The following GAB3 variants were observed in gnomAD, a reference collection of about 807,000 sequenced individuals.
The protein encoded by GAB3 is GRB2 associated binding protein 3, also known as GRB2-associated-binding protein 3.
Under a neutral mutation model 40.4 loss-of-function variants are expected in GAB3, and 12 were observed. That is an observed-to-expected ratio of 0.30 (90% CI 0.19 to 0.48). GAB3 has a LOEUF of 0.48. GAB3 is among the 20% of genes least tolerant of loss of function. The probability of loss-of-function intolerance (pLI) is 0.99; values close to 1 mark genes in which losing one functional copy is unlikely to be tolerated. For synonymous variants in GAB3, 154 were observed against 176.7 expected, an observed-to-expected ratio of 0.87 and a Z score of 1.02; for missense variants, 381 against 461.9, an observed-to-expected ratio of 0.82 and a Z score of 1.61.
intron 8 of GAB3, among the ~76,000 whole-genome samples, chrX:154,689,951 A>G (rs2070527337): frequency 9.2e-6 from 1 of 109,041 alleles, no homozygotes; most frequent in Non-Finnish European, 1.9e-5. Flanking sequence ...AAGAGCCTGC[A>G]TCGCCAAGTC....
chrX:154,690,677 T>A (rs1185660779), intron 8 of GAB3, among the ~76,000 whole-genome samples: 5 of 112,005 alleles, frequency 4.5e-5, no homozygotes, highest in Non-Finnish European at 7.5e-5. Context: ...ATGCTCACCA[T>A]CACTGGCCAT....
chrX:154,683,034 AT>A (rs1217821412), intron 8 of GAB3, among the ~76,000 whole-genome samples: 1 of 112,423 alleles, frequency 8.9e-6, no homozygotes, highest in Non-Finnish European at 1.9e-5. Flanking sequence ...CATAGTTCTT[AT>A]TTCCTCCAAT....
intron 8 of GAB3, among the ~76,000 whole-genome samples, chrX:154,687,977 G>A (rs1348884834): frequency 3.6e-5 from 4 of 112,002 alleles, no homozygotes; most frequent in African/African-American, 1.3e-4. Context: ...TATGCAAAAT[G>A]TCAGCTTCGA....
At chrX:154,744,483 T>C (rs1557261757) in intron 1 of GAB3, among the ~76,000 whole-genome samples, 1 of 112,088 alleles carries the variant, frequency 8.9e-6, no homozygotes, top group Admixed American at 9.5e-5. Flanking sequence ...GAAAACATAG[T>C]AGTTCCAAAT....
Position 154,699,346 on chromosome X carries a change from A to G in GAB3, c.1293T>C (p.Pro431=). 1 of 1,211,006 alleles carries G rather than the reference A, an allele frequency of 8.3e-7. No individual in the cohort carries two copies. The highest frequency in any genetic ancestry group is 1.1e-6 in the Non-Finnish European group (1 of 895,009). The change falls in exon 6 of 10, where the codon CCT becomes CCC. Residue 431 remains proline (P), a synonymous_variant. Transcript: ENST00000424127. ...TCACTGGGGGAGGTTCCAGGTTTGC[A>G]GGCAGCTCAGGCAACGGGCTTGAGA... The part of the protein sequence containing the change: ...GSISSPLPEL[P]ANLEPPPVNR...
chrX:154,716,383 A>G, intron 1 of GAB3, 54 bp from the exon 2 acceptor site: 1 of 1,068,967 alleles, frequency 9.4e-7, no homozygotes, highest in Non-Finnish European at 1.3e-6. Flanking sequence ...CTTGTTTCTC[A>G]GGCTATGCCA....
chrX:154,706,744 C>T (rs782247499), intron 4 of GAB3, among the ~76,000 whole-genome samples: 1 of 103,530 alleles, frequency 9.7e-6, no homozygotes, highest in African/African-American at 4.0e-5. Flanking sequence ...AAGACCCTGC[C>T]TCTAAAAAAA....
intron 1 of GAB3, among the ~76,000 whole-genome samples, chrX:154,740,629 G>C (rs781865774): frequency 9.0e-6 from 1 of 111,465 alleles, no homozygotes; most frequent in African/African-American, 3.3e-5. Flanking sequence ...GACTCATGGA[G>C]GAGATCCCTC....
At position 154,722,220 on chromosome X, in the gene GAB3, G is replaced by A. The variant is rs781795084; in HGVS notation, c.73-5891C>T. 3.6e-5 allele frequency among the ~76,000 whole-genome samples: 4 copies of A among 110,977 alleles called. No homozygotes were observed. The South Asian group carries it at 1.1e-3, about 31-fold the overall frequency. On this transcript the variant is annotated intron_variant, in intron 1 of 9. Coordinates refer to ENST00000424127, the MANE Select transcript of GAB3 (RefSeq NM_001081573.3). ...AAATACTGAATGATCTGTTTTGTAC[G>A]TGGGGGGAAAAGGTCAAATGTACTG...
At chrX:154,693,776 A>G (rs2070608698) in intron 8 of GAB3, among the ~76,000 whole-genome samples, 1 of 112,153 alleles carries the variant, frequency 8.9e-6, no homozygotes, top group Admixed American at 9.5e-5. Context: ...TAATACCATA[A>G]TCAAAAAATT....
At chrX:154,721,715 C>T (rs991700105) in intron 1 of GAB3, among the ~76,000 whole-genome samples, 7 of 112,367 alleles carry the variant, frequency 6.2e-5, no homozygotes, top group African/African-American at 2.3e-4. Flanking sequence ...AATGAGATAT[C>T]ACTTCATATT....
chrX:154,703,194 T>C (rs1259721040), intron 4 of GAB3, among the ~76,000 whole-genome samples: 1 of 112,013 alleles, frequency 8.9e-6, no homozygotes, highest in Non-Finnish European at 1.9e-5. Flanking sequence ...TAAAGACACA[T>C]GCACGCATAT....
At chrX:154,742,189 T>C (rs1431973174) in intron 1 of GAB3, among the ~76,000 whole-genome samples, 1 of 112,030 alleles carries the variant, frequency 8.9e-6, no homozygotes, top group Non-Finnish European at 1.9e-5. Context: ...TTAGAAGATA[T>C]CTTGAAGTGA....
intron 8 of GAB3, among the ~76,000 whole-genome samples, chrX:154,687,116 C>T (rs906111250): frequency 1.8e-5 from 2 of 109,762 alleles, no homozygotes; most frequent in Admixed American, 9.7e-5. Flanking sequence ...CACTTGAACC[C>T]GAGAAGGGGA....
At chrX:154,702,010 A>G (rs2070745813) in intron 4 of GAB3, among the ~76,000 whole-genome samples, 2 of 112,251 alleles carry the variant, frequency 1.8e-5, no homozygotes, top group East Asian at 2.8e-4. Context: ...TAGAAAAAAA[A>G]TCCTAAAATT....
At chrX:154,683,245 C>T (rs1247360447) in intron 8 of GAB3, among the ~76,000 whole-genome samples, 5 of 111,864 alleles carry the variant, frequency 4.5e-5, no homozygotes, top group Admixed American at 9.5e-5. Context: ...ATATTAGGAA[C>T]TACGTTTTGC....
chrX:154,698,158 T>C (rs2070689404), intron 6 of GAB3, among the ~76,000 whole-genome samples: 1 of 112,858 alleles, frequency 8.9e-6, no homozygotes, highest in Admixed American at 9.4e-5. Context: ...AGCCATTATC[T>C]CCAACATCAC....
At chrX:154,711,641 T>C (rs2070948497) in intron 4 of GAB3, among the ~76,000 whole-genome samples, 1 of 112,176 alleles carries the variant, frequency 8.9e-6, no homozygotes, top group Non-Finnish European at 1.9e-5. Context: ...AGTGGGATGA[T>C]GAATGAGGTT....
chrX:154,729,609 G>A (rs1316043598), intron 1 of GAB3, among the ~76,000 whole-genome samples: 1 of 112,050 alleles, frequency 8.9e-6, no homozygotes, highest in East Asian at 2.8e-4. Flanking sequence ...GATTCAGACT[G>A]AATCACAGGG....
Sources: gnomAD v4.1 joint callset for allele counts (sites outside exome capture counted in the v4.1 genomes callset) on GRCh38, gnomAD v4.1.1 for gene constraint, MANE v1.5 for transcripts, NCBI Gene and HGNC (gene_info 2026-07-23, HGNC 2026-07-21) for gene names.